BAHCC1: variants seen among roughly 807,000 people sequenced by gnomAD.
The protein encoded by BAHCC1 is BAH domain and coiled-coil containing 1, also known as BAH and coiled-coil domain-containing protein 1.
Under a neutral mutation model 88.2 loss-of-function variants are expected in BAHCC1, and 43 were observed. The ratio of observed to expected loss-of-function variants is 0.49; its 90% CI spans 0.38 to 0.63. The LOEUF (loss-of-function observed/expected upper bound fraction) is 0.63. BAHCC1 is among the 20% of genes least tolerant of loss of function. The pLI, the probability that BAHCC1 is intolerant of heterozygous loss-of-function variation, is 0.00. For missense variants in BAHCC1, 3,023 were observed against 1,654.8 expected (o/e 1.83, Z -14.34); for synonymous variants, 1,510 against 745.5 (o/e 2.03, Z -16.71).
chr17:81,397,395 GAAA>G (rs869105058), intron 1 of BAHCC1, among the ~76,000 whole-genome samples: 28 of 132,614 alleles, frequency 2.1e-4, no homozygotes, highest in East Asian at 1.4e-3. Flanking sequence ...TTATTGGAGA[GAAA>G]AAAAAAAAAA....
intron 2 of BAHCC1, among the ~76,000 whole-genome samples, chr17:81,418,068 A>G (rs1339222958): frequency 1.3e-5 from 2 of 152,200 alleles, no homozygotes; most frequent in Non-Finnish European, 2.9e-5. Flanking sequence ...CCAGGGGGCC[A>G]AGGCACCCTC....
chr17:81,452,743 G>A lies in BAHCC1; in HGVS notation c.4337G>A (p.Ser1446Asn), dbSNP rs782104738. 1.3e-6 allele frequency: 1 copy of A among 752,304 alleles called. No individual in the cohort carries two copies. The highest frequency in any genetic ancestry group is 2.5e-6 in the Non-Finnish European group (1 of 406,794). 46.6% of individuals were successfully genotyped at this position (752,304 alleles called of 1,614,324 possible). The change falls in exon 14 of 28, where the codon AGC becomes AAC. Residue 1446 changes from serine to asparagine, a missense_variant. Transcript: ENST00000675386. ...CCCAGGAGAGACGAGAGTTCACGGA[G>A]CCCTGCACGGCGGGGGCCTGGCCGG... is the stretch of plus-strand genomic sequence containing the variant. ...HDHERDESSR[S>N]PARRGPGRPR...
rs1469559437 is a variant in BAHCC1 at position 81,466,252 on chromosome 17, ACT to A, written c.*2438_*2439del. 5.3e-5 allele frequency: 8 copies of A among 152,314 alleles called. No individual in the cohort carries two copies. Among genetic ancestry groups the A allele is most frequent in the African/African-American group, 1.2e-4 (5 of 41,350 alleles). 9.4% of individuals were successfully genotyped at this position (152,314 alleles called of 1,614,324 possible). A position where few individuals can be genotyped will look rare whatever the true frequency, so the allele number is the denominator to read the frequency against. ...CACACAAAGGTTTTATGAACAGCAG[ACT>A]CTATGTAAAGGCATTTTAGTATCAA... is the stretch of plus-strand genomic sequence containing the variant. On this transcript the variant is annotated 3_prime_UTR_variant, in exon 28 of 28. Coordinates refer to ENST00000675386, the MANE Select transcript of BAHCC1 (RefSeq NM_001377448.1).
rs2064490772 is a variant in BAHCC1 at position 81,444,733 on chromosome 17, G to C, written c.2578G>C (p.Val860Leu). The change falls in exon 8 of 28, where the codon GTG becomes CTG. Residue 860 changes from valine (V) to leucine (L), a missense_variant. Val to Leu is a conservative substitution (Grantham distance 32). Transcript: ENST00000675386. ...PGFPASVAGPVPSVFPLPQDA... is the reference protein window; with the variant it reads ...PGFPASVAGPLPSVFPLPQDA... ...CTTCCCCGCCTCCGTGGCTGGCCCT[G>C]TGCCCTCTGTCTTCCCCCTCCCACA... 2 of 778,314 alleles carry C rather than the reference G, an allele frequency of 2.6e-6. No homozygotes were observed. The highest frequency in any genetic ancestry group is 2.3e-4 in the Middle Eastern group (1 of 4,422). 48.2% of individuals were successfully genotyped at this position (778,314 alleles called of 1,614,324 possible). A position where few individuals can be genotyped will look rare whatever the true frequency, so the allele number is the denominator to read the frequency against.
At chr17:81,423,877 G>A (rs1435335166) in intron 2 of BAHCC1, among the ~76,000 whole-genome samples, 7 of 152,230 alleles carry the variant, frequency 4.6e-5, no homozygotes, top group Non-Finnish European at 1.0e-4. Flanking sequence ...GCTGGGCTGG[G>A]CGGGGCCTGG....
At chr17:81,463,033 C>T (rs1000579354) in intron 27 of BAHCC1, 57 bp downstream of exon 27, 6 of 741,902 alleles carry the variant, frequency 8.1e-6, no homozygotes, top group African/African-American at 3.4e-5. Context: ...GGAGGGGACA[C>T]GACAGCAGCC....
At position 81,448,598 on chromosome 17, in the gene BAHCC1, C is replaced by T. The variant is rs552115753; in HGVS notation, c.3976+750C>T. Among the ~76,000 whole-genome samples the T allele has an allele frequency of 2.2e-4, 33 of 152,302 alleles. No individual in the cohort carries two copies. The East Asian group carries it at 6.0e-3, about 28-fold the overall frequency. ...CACGGCGCCGTGGTTGTTGATAGCA[C>T]GAAGCTGACAGTCTTCAGGGCTCGG... On this transcript the variant is annotated intron_variant, in intron 11 of 27. Coordinates refer to ENST00000675386, the MANE Select transcript of BAHCC1 (RefSeq NM_001377448.1).
At chr17:81,457,261 A>T in intron 16 of BAHCC1, 149 bp from the exon 17 acceptor site, 1 of 606,988 alleles carries the variant, frequency 1.6e-6, no homozygotes, top group South Asian at 1.9e-5. Context: ...CCTGCCCCCA[A>T]AGCAGCCCCA....
Position 81,447,283 on chromosome 17 carries a change from C to G in BAHCC1, c.3411C>G (p.Thr1137=), listed in dbSNP as rs377203940. The G allele has an allele frequency of 2.3e-5, 17 of 725,398 alleles. No homozygotes were observed. The Admixed American group carries it at 3.5e-4, about 15-fold the overall frequency. The allele number at this position is 725,398 out of a possible 1,614,324, so 44.9% of individuals were successfully genotyped here. Reference sequence around the variant, plus strand: ...ACCTTGCCGCCACCCCCTACCCTACCGAGCGGGGACCCCAGGGGAAGGCAG... The same window carrying G: ...ACCTTGCCGCCACCCCCTACCCTACGGAGCGGGGACCCCAGGGGAAGGCAG... The part of the protein sequence containing the change: ...TQDLAATPYP[T]ERGPQGKAAD... The change falls in exon 11 of 28, where the codon ACC becomes ACG. Residue 1137 remains threonine, a synonymous_variant. Coordinates refer to ENST00000675386, the MANE Select transcript of BAHCC1 (RefSeq NM_001377448.1).
intron 2 of BAHCC1, among the ~76,000 whole-genome samples, chr17:81,405,355 C>T (rs956681153): frequency 6.6e-6 from 1 of 152,180 alleles, no homozygotes; most frequent in Non-Finnish European, 1.5e-5. Flanking sequence ...TGTGAGCCAC[C>T]GTGCCCGGCC....
In BAHCC1 at chr17:81,456,325, G is replaced by A; in HGVS notation, c.4598G>A (p.Cys1533Tyr). ...AAGGCGCAGTGTAAGAAGAGCAGCT[G>A]TCAGGGCGGGCTGGCGCCCTCCGTG... ...VEKAQCKKSS[C>Y]QGGLAPSVAH... The change falls in exon 16 of 28, where the codon TGT (cysteine) becomes TAT (tyrosine). Residue 1533 changes from cysteine to tyrosine, a missense_variant. Transcript: ENST00000675386. 1.4e-6 allele frequency: 1 copy of A among 721,398 alleles called. No homozygotes were observed. The highest frequency in any genetic ancestry group is 2.6e-6 in the Non-Finnish European group (1 of 387,526). The allele number at this position is 721,398 out of a possible 1,614,324, so 44.7% of individuals were successfully genotyped here.
Position 81,452,779 on chromosome 17 carries a change from G to A in BAHCC1, c.4373G>A (p.Arg1458His), listed in dbSNP as rs374320761. 1.1e-5 allele frequency: 8 copies of A among 741,014 alleles called. No homozygotes were observed. Among genetic ancestry groups the A allele is most frequent in the East Asian group, 5.2e-5 (2 of 38,164 alleles). 45.9% of individuals were successfully genotyped at this position (741,014 alleles called of 1,614,324 possible). ...ARRGPGRPRK[R>H]KHSSSLPAPR... is the part of the protein sequence containing the mutation. ...CGGGGGCCTGGCCGGCCGAGGAAGC[G>A]CAAACACTCAAGCTCGCTGCCTGCC... is the stretch of plus-strand genomic sequence containing the variant. The change falls in exon 14 of 28, where the codon CGC becomes CAC. Residue 1458 changes from arginine (R) to histidine (H), a missense_variant. Coordinates refer to ENST00000675386, the MANE Select transcript of BAHCC1 (RefSeq NM_001377448.1).
chr17:81,446,956 G>A, intron 10 of BAHCC1, 80 bp from the exon 11 acceptor site: 1 of 753,778 alleles, frequency 1.3e-6, no homozygotes, highest in Non-Finnish European at 2.4e-6. Context: ...AGGGTTCGAG[G>A]CCACTGTCCT....
Position 81,447,144 on chromosome 17 carries a change from C to T in BAHCC1, c.3272C>T (p.Pro1091Leu), listed in dbSNP as rs782056944. The T allele has an allele frequency of 1.8e-5, 14 of 778,414 alleles. No individual in the cohort carries two copies. Among genetic ancestry groups the T allele is most frequent in the Admixed American group, 6.8e-5 (4 of 58,888 alleles). The allele number at this position is 778,414 out of a possible 1,614,324, so 48.2% of individuals were successfully genotyped here. ...EDPETMQTTA[P>L]GAQPEPTRTF... Reference sequence around the variant, plus strand: ...CCTGAAACTATGCAAACCACCGCCCCGGGGGCCCAGCCTGAGCCCACAAGG... The same window carrying T: ...CCTGAAACTATGCAAACCACCGCCCTGGGGGCCCAGCCTGAGCCCACAAGG... Residue 1091 changes from proline (P) to leucine (L), a missense_variant, in exon 11 of 28, where the codon CCG becomes CTG. Physicochemically the swap from Pro to Leu is moderately conservative, Grantham distance 98. Coordinates refer to ENST00000675386, the MANE Select transcript of BAHCC1 (RefSeq NM_001377448.1).
chr17:81,461,951 C>T lies in BAHCC1; in HGVS notation c.7288C>T (p.Arg2430Trp), dbSNP rs782462561. 47 of 768,308 alleles carry T rather than the reference C, an allele frequency of 6.1e-5. No homozygotes were observed. The highest frequency in any genetic ancestry group is 1.1e-4 in the Non-Finnish European group (46 of 413,030). 47.6% of individuals were successfully genotyped at this position (768,308 alleles called of 1,614,324 possible). Reference sequence around the variant, plus strand: ...CTTCTCCAAAGCCAAAGAGCTCTCCCGGAGGCAGCGGCCGCCCTCCGTGGA... The same window carrying T: ...CTTCTCCAAAGCCAAAGAGCTCTCCTGGAGGCAGCGGCCGCCCTCCGTGGA... ...LSFSKAKELS[R>W]RQRPPSVENR... The change falls in exon 26 of 28, where the codon CGG becomes TGG. Residue 2430 changes from arginine to tryptophan, a missense_variant. By Grantham distance (101) the Arg-to-Trp change is moderately radical. Coordinates refer to ENST00000675386, the MANE Select transcript of BAHCC1 (RefSeq NM_001377448.1).
intron 11 of BAHCC1, among the ~76,000 whole-genome samples, chr17:81,448,187 C>T (rs1490593278): frequency 6.6e-6 from 1 of 152,208 alleles, no homozygotes; most frequent in Admixed American, 6.5e-5. Flanking sequence ...GAGCCTGCCG[C>T]CTGCCTCCTG....
chr17:81,452,579 T>TGAG (rs1339895395), intron 13 of BAHCC1, 144 bp from the exon 14 acceptor site: 3 of 541,236 alleles, frequency 5.5e-6, no homozygotes, highest in Non-Finnish European at 9.7e-6. Flanking sequence ...GCCCTCTGCG[T>TGAG]GAGGGGTCAG....
chr17:81,453,081 G>A (rs2064674590), intron 14 of BAHCC1, among the ~76,000 whole-genome samples: 1 of 152,130 alleles, frequency 6.6e-6, no homozygotes, highest in African/African-American at 2.4e-5. Flanking sequence ...CCCTGGCCCG[G>A]GTCCCCCTCT....
In BAHCC1 at chr17:81,442,355, G is replaced by A. The variant is rs782248746; in HGVS notation, c.1006G>A (p.Glu336Lys). 1.6e-5 allele frequency: 11 copies of A among 699,874 alleles called. No homozygotes were observed. The highest frequency in any genetic ancestry group is 8.9e-5 in the African/African-American group (5 of 56,220). The allele number at this position is 699,874 out of a possible 1,614,324, so 43.4% of individuals were successfully genotyped here. ...GPPEPGPAFS[E>K]CLERRQMLHH... is the part of the protein sequence containing the mutation. ...CCCGGAGCCCGGGCCGGCCTTCAGC[G>A]AGTGCCTGGAGCGGCGGCAGATGCT... Residue 336 changes from glutamate to lysine, a missense_variant, in exon 5 of 28, where the codon GAG becomes AAG. By Grantham distance (56) the Glu-to-Lys change is moderately conservative. Coordinates refer to ENST00000675386, the MANE Select transcript of BAHCC1 (RefSeq NM_001377448.1).
Sources: gnomAD v4.1 joint callset for allele counts (sites outside exome capture counted in the v4.1 genomes callset) on GRCh38, gnomAD v4.1.1 for gene constraint, MANE v1.5 for transcripts, NCBI Gene and HGNC (gene_info 2026-07-23, HGNC 2026-07-21) for gene names.